ERC1: variants seen among roughly 807,000 people sequenced by gnomAD.
ERC1 encodes the protein RAB6 interacting protein 2.
A neutral mutation model predicts 132.0 loss-of-function variants in ERC1; 56 were observed. That is an observed-to-expected ratio of 0.42 (90% CI 0.34 to 0.53). ERC1 has a LOEUF of 0.53. Among genes scored for constraint, ERC1 ranks in the 20% least tolerant of loss-of-function variants. The pLI is 0.03. For synonymous variants in ERC1, 478 were observed against 476.1 expected, an observed-to-expected ratio of 1.00 and a Z score of -0.05; for missense variants, 1,202 against 1,349.9, an observed-to-expected ratio of 0.89 and a Z score of 1.72.
At chr12:1,410,486 GT>G in intron 17 of ERC1, 3 of 1,026,992 alleles carry the variant, frequency 2.9e-6, no homozygotes, top group East Asian at 5.4e-5. Flanking sequence ...TATAGAAATG[GT>G]TTTTGTTTGT....
intron 18 of ERC1, among the ~76,000 whole-genome samples, chr12:1,462,420 A>G (rs2093661616): frequency 6.6e-6 from 1 of 152,250 alleles, no homozygotes. Flanking sequence ...AAAAGTGGAA[A>G]CAACCCAAAT....
intron 2 of ERC1, among the ~76,000 whole-genome samples, chr12:1,076,664 A>T (rs1437017858): frequency 1.3e-5 from 2 of 152,142 alleles, no homozygotes; most frequent in African/African-American, 2.4e-5. Context: ...AAGTGCTGGG[A>T]TTATAGGCAT....
intron 7 of ERC1, among the ~76,000 whole-genome samples, chr12:1,121,821 CTGTGTCTCTATCTCTA>C (rs1947263685): frequency 4.3e-5 from 1 of 23,238 alleles, no homozygotes; most frequent in Non-Finnish European, 1.1e-4. Flanking sequence ...CTATCTCTAT[CTGTGTCTCTATCTCTA>C]TCTATCTCTA....
Position 1,115,935 on chromosome 12 carries a change from ACACT to A in ERC1, c.1475_1478del (p.Leu492GlnfsTer14). 1 of 1,614,192 alleles carries A rather than the reference ACACT, an allele frequency of 6.2e-7. No homozygotes were observed. The highest frequency in any genetic ancestry group is 8.5e-7 in the Non-Finnish European group (1 of 1,180,012). The stretch of plus-strand genomic sequence containing the variant: ...ACTCGCCCTGCAGACAAAGCTAGAA[ACACT>A]CACAAACCAGTTCTCAGATAGTAAA... On this transcript the variant is annotated frameshift_variant, in exon 7 of 19. Transcript: ENST00000360905. LOFTEE classifies it high-confidence loss of function.
At chr12:1,489,545 A>T (rs1000231687) in intron 18 of ERC1, among the ~76,000 whole-genome samples, 25 of 152,270 alleles carry the variant, frequency 1.6e-4, no homozygotes, top group African/African-American at 5.5e-4. Context: ...AATGTGAAAG[A>T]GGCTGTTAAA....
At chr12:1,049,478 G>A (rs1282231919) in intron 2 of ERC1, among the ~76,000 whole-genome samples, 2 of 152,112 alleles carry the variant, frequency 1.3e-5, no homozygotes, top group African/African-American at 4.8e-5. Context: ...GGGCTTGGGG[G>A]TGGTCTTGCT....
chr12:1,060,098 A>G (rs771438036), intron 2 of ERC1, among the ~76,000 whole-genome samples: 5 of 152,090 alleles, frequency 3.3e-5, no homozygotes, highest in African/African-American at 4.8e-5. Context: ...ACTGGAGAGA[A>G]AAAGAGGTTT....
intron 15 of ERC1, among the ~76,000 whole-genome samples, chr12:1,320,616 C>T (rs1030355126): frequency 2.0e-5 from 3 of 152,198 alleles, no homozygotes; most frequent in Non-Finnish European, 4.4e-5. Context: ...AGTCATTTCA[C>T]ATGTATGCAA....
At chr12:1,007,540 C>CTCCCTGTGTGTGTG (rs1555194875) in intron 1 of ERC1, among the ~76,000 whole-genome samples, 1 of 122,712 alleles carries the variant, frequency 8.1e-6, no homozygotes, top group African/African-American at 3.8e-5. Flanking sequence ...CTCTCTCTCT[C>CTCCCTGTGTGTGTG]TGTGTGTGTG....
upstream of ERC1, chr12:991,163 C>T (rs1023620980): frequency 7.7e-5 from 11 of 143,388 alleles, no homozygotes; most frequent in Non-Finnish European, 1.5e-4. Flanking sequence ...CGCTGCGCCC[C>T]GCGGCGGGGC....
At chr12:1,002,160 CTTTTTTTT>C (rs71055117) in intron 1 of ERC1, among the ~76,000 whole-genome samples, 11 of 38,476 alleles carry the variant, frequency 2.9e-4, no homozygotes, top group African/African-American at 1.1e-3. Context: ...CCATGCCCGG[CTTTTTTTT>C]TTTTTTTTTT....
intron 1 of ERC1, among the ~76,000 whole-genome samples, chr12:1,002,485 C>G (rs1219451734): frequency 6.6e-6 from 1 of 151,950 alleles, no homozygotes; most frequent in Non-Finnish European, 1.5e-5. Context: ...CTGCACCTTG[C>G]CTTGTGCAAG....
chr12:1,348,017 G>C (rs991033479), intron 15 of ERC1, among the ~76,000 whole-genome samples: 1 of 152,038 alleles, frequency 6.6e-6, no homozygotes, highest in Non-Finnish European at 1.5e-5. Context: ...AATGAACACA[G>C]GTTTCTTGTA....
intron 8 of ERC1, among the ~76,000 whole-genome samples, chr12:1,161,973 A>T (rs1444750564): frequency 6.6e-6 from 1 of 152,088 alleles, no homozygotes; most frequent in Non-Finnish European, 1.5e-5. Context: ...CTTAAAAGAA[A>T]TTTTTTCTTC....
intron 12 of ERC1, among the ~76,000 whole-genome samples, chr12:1,225,573 C>T (rs974984133): frequency 1.3e-5 from 2 of 151,732 alleles, no homozygotes. Context: ...ACACCATAAC[C>T]TAGTTTTATG....
intron 15 of ERC1, among the ~76,000 whole-genome samples, chr12:1,340,244 C>T (rs563253674): frequency 6.6e-6 from 1 of 152,216 alleles, no homozygotes; most frequent in South Asian, 2.1e-4. Context: ...CAGGTTGGAC[C>T]AGCCCCATCT....
At chr12:1,042,203 A>AT (rs1474308352) in intron 2 of ERC1, among the ~76,000 whole-genome samples, 2 of 151,236 alleles carry the variant, frequency 1.3e-5, no homozygotes, top group African/African-American at 2.4e-5. Flanking sequence ...GCGCCCAGCT[A>AT]TTTTTTTGTA....
chr12:1,259,731 G>T (rs75088663), intron 13 of ERC1, among the ~76,000 whole-genome samples: 2 of 151,880 alleles, frequency 1.3e-5, no homozygotes, highest in Non-Finnish European at 1.5e-5. Context: ...CACCATGTTG[G>T]TCAGGCTGGT....
At chr12:1,309,787 C>G (rs576468373) in intron 15 of ERC1, among the ~76,000 whole-genome samples, 1 of 150,680 alleles carries the variant, frequency 6.6e-6, no homozygotes, top group South Asian at 2.1e-4. Context: ...GTCACAGACT[C>G]GAGAGACTGA....
Sources: gnomAD v4.1 joint callset for allele counts (sites outside exome capture counted in the v4.1 genomes callset) on GRCh38, gnomAD v4.1.1 for gene constraint, MANE v1.5 for transcripts, NCBI Gene and HGNC (gene_info 2026-07-23, HGNC 2026-07-21) for gene names.